The following HSPG2 variants were observed in gnomAD, a reference collection of about 807,000 sequenced individuals.
The protein encoded by HSPG2 is heparan sulfate proteoglycan 2, also known as basement membrane-specific heparan sulfate proteoglycan core protein.
A neutral mutation model predicts 526.6 loss-of-function variants in HSPG2; 278 were observed. The ratio of observed to expected loss-of-function variants is 0.53; its 90% CI spans 0.48 to 0.58. The LOEUF is 0.58. HSPG2 is among the 20% of genes least tolerant of loss of function. The pLI is 0.00. For missense variants in HSPG2, 5,354 were observed against 6,099.5 expected, an observed-to-expected ratio of 0.88 and a Z score of 4.07; for synonymous variants, 2,465 against 2,555.4, an observed-to-expected ratio of 0.96 and a Z score of 1.07.
rs1411066912 is a variant in HSPG2, at chr1:21,847,721, T to C, written c.7993A>G (p.Lys2665Glu). 1 of 1,612,008 alleles carries C rather than the reference T, an allele frequency of 6.2e-7. No homozygotes were observed. Among genetic ancestry groups the C allele is most frequent in the Admixed American group, 1.7e-5 (1 of 59,720 alleles). Residue 2665 changes from lysine to glutamate, a missense_variant, in exon 61 of 97, where the codon AAG (lysine) becomes GAG (glutamate). Transcript: ENST00000374695. The surrounding 1 kb of genome is among the most constrained non-coding windows in gnomAD (Gnocchi z 4.1). ...RQPQAIITWYKRGGSLPSRHQ... is the reference protein window; with the variant it reads ...RQPQAIITWYERGGSLPSRHQ... ...CGGGAGGGAAGGCTGCCCCCACGCT[T>C]GTACCATGTGATGATAGCCTGGGGC...
Position 21,875,022 on chromosome 1 carries a change from G to A in HSPG2, c.3303-20C>T. ...GAGACCCTGGGCGTGACAAGACCCAGCGTGAATAGGAGTGCTGGCTCTGTG... is the reference window on the plus strand; with the variant it reads ...GAGACCCTGGGCGTGACAAGACCCAACGTGAATAGGAGTGCTGGCTCTGTG... On this transcript the variant is annotated intron_variant, in intron 25 of 96. Transcript: ENST00000374695. The A allele has an allele frequency of 8.4e-6, 13 of 1,542,472 alleles. No homozygotes were observed. The highest frequency in any genetic ancestry group is 1.2e-5 in the Non-Finnish European group (13 of 1,129,284).
intron 64 of HSPG2, 125 bp downstream of exon 64, chr1:21,845,983 G>C: frequency 8.2e-7 from 1 of 1,215,780 alleles, no homozygotes; most frequent in Non-Finnish European, 1.2e-6. Flanking sequence ...GGGAGGTGAA[G>C]TCTGGAATCA....
intron 29 of HSPG2, 38 bp from the exon 30 acceptor site, chr1:21,873,462 A>C (rs1414672814): frequency 3.1e-6 from 5 of 1,605,840 alleles, no homozygotes; most frequent in Non-Finnish European, 4.3e-6. Flanking sequence ...TTTTGGATGA[A>C]GGGAAGCAGA....
intron 1 of HSPG2, among the ~76,000 whole-genome samples, chr1:21,935,072 AATTTTTGT>A (rs1404995823): frequency 6.6e-6 from 1 of 150,650 alleles, no homozygotes; most frequent in African/African-American, 2.5e-5. Context: ...ACACCCGTCT[AATTTTTGT>A]ATTTTCAGTA....
At chr1:21,911,647 C>T (rs1481348684) in intron 1 of HSPG2, among the ~76,000 whole-genome samples, 2 of 152,206 alleles carry the variant, frequency 1.3e-5, no homozygotes, top group African/African-American at 4.8e-5. Context: ...TAACTGGAGC[C>T]TGGCCTGCTC....
At chr1:21,861,491 AAAAAAAAAG>A (rs916047303) in intron 39 of HSPG2, among the ~76,000 whole-genome samples, 1 of 19,682 alleles carries the variant, frequency 5.1e-5, no homozygotes, top group Non-Finnish European at 4.9e-4. Flanking sequence ...CAGTTTAAAA[AAAAAAAAAG>A]AAAGAAAAAG....
chr1:21,885,332 C>T lies in HSPG2; in HGVS notation c.1198G>A (p.Glu400Lys), dbSNP rs761234592. The T allele has an allele frequency of 2.5e-6, 4 of 1,614,034 alleles. No homozygotes were observed. Among genetic ancestry groups the T allele is most frequent in the East Asian group, 2.2e-5 (1 of 44,878 alleles). The change falls in exon 10 of 97, where the codon GAG becomes AAG. Residue 400 changes from glutamate (E) to lysine (K), a missense_variant. Glu to Lys is a moderately conservative substitution (Grantham distance 56, BLOSUM62 1). Transcript: ENST00000374695. ...EESDCPDRSD[E>K]FGCMPPQVVT... ...GCTCCCTGCTCACTGCAGCCAAACT[C>T]GTCGCTCCGGTCAGGACAGTCGCTC...
chr1:21,840,572 C>G (rs1454365771), intron 71 of HSPG2, among the ~76,000 whole-genome samples: 1 of 152,080 alleles, frequency 6.6e-6, no homozygotes, highest in African/African-American at 2.4e-5. Context: ...TCCCAAATTG[C>G]TAGGATTACA....
chr1:21,855,091 G>A, intron 47 of HSPG2, 108 bp from the exon 48 acceptor site: 1 of 1,425,630 alleles, frequency 7.0e-7, no homozygotes, highest in Non-Finnish European at 9.7e-7. Flanking sequence ...CCAATATTAG[G>A]GCCCAGTGGG....
At chr1:21,926,965 G>C (rs925068473) in intron 1 of HSPG2, among the ~76,000 whole-genome samples, 16 of 152,124 alleles carry the variant, frequency 1.1e-4, no homozygotes, top group Admixed American at 7.9e-4. Context: ...TAGTTAGGAG[G>C]GGGAGGCCAG....
Position 21,841,288 on chromosome 1 carries a change from G to A in HSPG2, c.9329-3C>T. 1.2e-6 allele frequency: 2 copies of A among 1,613,544 alleles called. No individual in the cohort carries two copies. Among genetic ancestry groups the A allele is most frequent in the Non-Finnish European group, 1.7e-6 (2 of 1,179,884 alleles). The stretch of plus-strand genomic sequence containing the variant: ...GAGCACGGACACTGTAGGGGGCCCT[G>A]TGCGGAGGAATGACAACCACTGACA... On this transcript the variant is annotated splice_polypyrimidine_tract_variant and splice_region_variant and intron_variant, in intron 70 of 96. Coordinates refer to ENST00000374695, the MANE Select transcript of HSPG2 (RefSeq NM_005529.7).
intron 1 of HSPG2, among the ~76,000 whole-genome samples, chr1:21,909,868 A>T (rs572542821): frequency 6.6e-6 from 1 of 152,368 alleles, no homozygotes; most frequent in East Asian, 1.9e-4. Context: ...CAATGCACAC[A>T]TACCTCTGGT....
chr1:21,824,371 C>T lies in HSPG2; in HGVS notation c.12750G>A (p.Val4250=), dbSNP rs1246874601. The T allele has an allele frequency of 6.2e-7, 1 of 1,613,870 alleles. No individual in the cohort carries two copies. The highest frequency in any genetic ancestry group is 1.7e-5 in the Admixed American group (1 of 60,030). The change falls in exon 94 of 97, where the codon GTG becomes GTA. Residue 4250 remains valine, a synonymous_variant. Coordinates refer to ENST00000374695, the MANE Select transcript of HSPG2 (RefSeq NM_005529.7). This position sits in a 1 kb window ranked among gnomAD's most constrained non-coding sequence, Gnocchi z 5.9. ...AGTCCTTGCCTTGGCCGGCCTCTCC[C>T]ACCTCCTGCCAGGGAAGCACAGGGT... ...SGLLLWQGVE[V]GEAGQGKDFI... is the part of the protein sequence containing the mutation.
intron 1 of HSPG2, among the ~76,000 whole-genome samples, chr1:21,914,776 T>A (rs953776253): frequency 1.3e-5 from 2 of 152,040 alleles, no homozygotes; most frequent in African/African-American, 4.8e-5. Flanking sequence ...TGCTGGGAGG[T>A]GACCTTGAGC....
At chr1:21,885,750 G>A (rs896158147) in intron 9 of HSPG2, among the ~76,000 whole-genome samples, 2 of 152,128 alleles carry the variant, frequency 1.3e-5, no homozygotes, top group Admixed American at 6.5e-5. Context: ...AGGCACAGAA[G>A]CGCTATCTTG....
chr1:21,847,965 G>C lies in HSPG2; in HGVS notation c.7866C>G (p.Ser2622=), dbSNP rs768053549. The change falls in exon 60 of 97, where the codon TCC becomes TCG. Residue 2622 remains serine, a synonymous_variant. Transcript: ENST00000374695. The surrounding 1 kb of genome is among the most constrained non-coding windows in gnomAD (Gnocchi z 4.1). ...SLIVTIQGSG[S]SHVPSVSPPI... The stretch of plus-strand genomic sequence containing the variant: ...TGCCCTCTCTGCTCTCACCGTGGGA[G>C]GAACCGCTGCCCTGGATGGTGACGA... The C allele has an allele frequency of 1.5e-5, 25 of 1,613,898 alleles. No individual in the cohort carries two copies. The highest frequency in any genetic ancestry group is 2.0e-5 in the Non-Finnish European group (24 of 1,180,038).
At position 21,824,156 on chromosome 1, in the gene HSPG2, G is replaced by A; in HGVS notation, c.12864C>T (p.Ile4288=). Residue 4288 remains isoleucine, a synonymous_variant, in exon 95 of 97, where the codon ATC becomes ATT. Transcript: ENST00000374695. The surrounding 1 kb of genome is among the most constrained non-coding windows in gnomAD (Gnocchi z 5.9). ...GEARLVSEDP[I]NDGEWHRVTA... ...TCACCCGGTGCCACTCGCCGTCATT[G>A]ATGGGGTCCTCAGAGACCAGGCGGG... The A allele has an allele frequency of 1.2e-6, 2 of 1,613,662 alleles. No homozygotes were observed. Among genetic ancestry groups the A allele is most frequent in the Non-Finnish European group, 1.7e-6 (2 of 1,180,006 alleles).
rs1557775579 is a variant in HSPG2 at position 21,880,909 on chromosome 1, G to C, written c.1819-74C>G. ...ACCTCGTGCCTATGAGGTGCCTATA[G>C]TCTTCCAGCTCCTCCCTCACTCTGC... On this transcript the variant is annotated intron_variant, in intron 14 of 96. Coordinates refer to ENST00000374695, the MANE Select transcript of HSPG2 (RefSeq NM_005529.7). The C allele has an allele frequency of 7.8e-6, 11 of 1,404,172 alleles. No individual in the cohort carries two copies. The Admixed American group carries it at 7.9e-5, about 10-fold the overall frequency. The allele number at this position is 1,404,172 out of a possible 1,614,324, so 87.0% of individuals were successfully genotyped here.
At chr1:21,862,473 A>G (rs1397985966) in intron 37 of HSPG2, among the ~76,000 whole-genome samples, 1 of 151,108 alleles carries the variant, frequency 6.6e-6, no homozygotes, top group African/African-American at 2.4e-5. Flanking sequence ...AGTCCCAGCT[A>G]CTCAGGAGGC....
Sources: gnomAD v4.1 joint callset for allele counts (sites outside exome capture counted in the v4.1 genomes callset) on GRCh38, gnomAD v4.1.1 for gene constraint, Gnocchi (gnomAD v3.1) non-coding constraint, MANE v1.5 for transcripts, NCBI Gene and HGNC (gene_info 2026-07-23, HGNC 2026-07-21) for gene names.